Variants in PRKD1 observed in about 807,000 individuals in gnomAD.
PRKD1 encodes the protein serine/threonine-protein kinase D1.
Under a neutral mutation model 95.9 loss-of-function variants are expected in PRKD1, and 63 were observed. The observed-to-expected ratio is 0.66, with a 90% CI of 0.54 to 0.81. PRKD1 has a LOEUF of 0.81. Among genes scored for constraint, PRKD1 ranks in the 30% least tolerant of loss-of-function variants. The pLI is 0.00. For missense variants in PRKD1, 1,048 were observed against 1,165.3 expected (o/e 0.90, Z 1.47); for synonymous variants, 425 against 423.1 (o/e 1.00, Z -0.05).
At chr14:29,665,958 T>C (rs1882474964) in intron 3 of PRKD1, 119 bp downstream of exon 3, 5 of 1,127,720 alleles carry the variant, frequency 4.4e-6, no homozygotes, top group Non-Finnish European at 2.4e-6. Flanking sequence ...ACATTTTCTT[T>C]ATCCACTCAT....
At chr14:29,788,221 C>G (rs1368187913) in intron 1 of PRKD1, among the ~76,000 whole-genome samples, 1 of 152,086 alleles carries the variant, frequency 6.6e-6, no homozygotes, top group Non-Finnish European at 1.5e-5. Flanking sequence ...TTTTTTCTTT[C>G]AATACTTTGA....
intron 1 of PRKD1, among the ~76,000 whole-genome samples, chr14:29,826,772 C>A (rs796373452): frequency 4.7e-5 from 1 of 21,204 alleles, no homozygotes; most frequent in Non-Finnish European, 9.3e-5. Flanking sequence ...TATATATACA[C>A]ATATATATAC....
chr14:29,791,861 G>A (rs1375952662), intron 1 of PRKD1, among the ~76,000 whole-genome samples: 4 of 152,030 alleles, frequency 2.6e-5, no homozygotes, highest in African/African-American at 9.7e-5. Flanking sequence ...ACTCAGGATT[G>A]GAATAGCTGG....
At chr14:29,725,381 T>C (rs142558251) in intron 2 of PRKD1, among the ~76,000 whole-genome samples, 155 bp downstream of exon 2, 1 of 152,290 alleles carries the variant, frequency 6.6e-6, no homozygotes, top group African/African-American at 2.4e-5. Flanking sequence ...GGGAAACCTT[T>C]TGTTTCCCTT....
At chr14:29,606,465 T>C (rs1215515826) in intron 13 of PRKD1, among the ~76,000 whole-genome samples, 3 of 152,154 alleles carry the variant, frequency 2.0e-5, no homozygotes, top group Admixed American at 2.0e-4. Flanking sequence ...TCTACCAATT[T>C]TGATCAGTGT....
intron 1 of PRKD1, among the ~76,000 whole-genome samples, chr14:29,835,429 T>C (rs1891574699): frequency 6.6e-6 from 1 of 152,170 alleles, no homozygotes; most frequent in South Asian, 2.1e-4. Flanking sequence ...GAGAAATTAG[T>C]TATTATTTTA....
chr14:29,640,795 T>A (rs1880707232), intron 4 of PRKD1, among the ~76,000 whole-genome samples: 1 of 152,210 alleles, frequency 6.6e-6, no homozygotes, highest in Non-Finnish European at 1.5e-5. Flanking sequence ...TGTTAGCAGA[T>A]TTAACATGTT....
At chr14:29,667,931 GT>G (rs35990037) in intron 2 of PRKD1, among the ~76,000 whole-genome samples, 59,590 of 146,402 alleles carry the variant, frequency 0.41, 12,783 homozygotes, top group African/African-American at 0.59. Context: ...AGGTAAATTT[GT>G]TTTTTTTTTT....
At chr14:29,903,962 T>A (rs1894409024) in intron 1 of PRKD1, among the ~76,000 whole-genome samples, 1 of 152,154 alleles carries the variant, frequency 6.6e-6, no homozygotes, top group South Asian at 2.1e-4. Flanking sequence ...CACATATATT[T>A]ACGGATGTAT....
chr14:29,639,649 A>AT (rs1195054802), intron 4 of PRKD1, among the ~76,000 whole-genome samples: 18 of 151,872 alleles, frequency 1.2e-4, no homozygotes, highest in African/African-American at 4.3e-4. Context: ...ATAATAAAAG[A>AT]AAAAGAAAAA....
intron 1 of PRKD1, among the ~76,000 whole-genome samples, chr14:29,873,632 ATATT>A (rs1172850928): frequency 2.3e-4 from 35 of 152,356 alleles, no homozygotes; most frequent in Admixed American, 3.9e-4. Flanking sequence ...CATTAAACAA[ATATT>A]TAAAGTGTCT....
intron 1 of PRKD1, among the ~76,000 whole-genome samples, chr14:29,851,444 G>A (rs1892303870): frequency 6.6e-6 from 1 of 152,048 alleles, no homozygotes; most frequent in Non-Finnish European, 1.5e-5. Flanking sequence ...CTCATGAGAA[G>A]ACATACAAGT....
At chr14:29,806,441 C>G (rs1890236793) in intron 1 of PRKD1, among the ~76,000 whole-genome samples, 1 of 150,694 alleles carries the variant, frequency 6.6e-6, no homozygotes, top group Admixed American at 6.6e-5. Context: ...GCCTGGCCTT[C>G]AGGTTGCAGG....
chr14:29,808,689 C>T (rs1890353783), intron 1 of PRKD1, among the ~76,000 whole-genome samples: 1 of 151,914 alleles, frequency 6.6e-6, no homozygotes, highest in Admixed American at 6.6e-5. Flanking sequence ...CATGAACCAC[C>T]TTCAGGTTCT....
chr14:29,614,953 C>T (rs1833129993), intron 13 of PRKD1, among the ~76,000 whole-genome samples: 1 of 150,454 alleles, frequency 6.6e-6, no homozygotes, highest in African/African-American at 2.5e-5. Context: ...CTCAGGCAGT[C>T]TGCCCGCCTC....
chr14:29,836,060 T>A (rs1368581738), intron 1 of PRKD1, among the ~76,000 whole-genome samples: 1 of 152,082 alleles, frequency 6.6e-6, no homozygotes, highest in East Asian at 1.9e-4. Flanking sequence ...TCTCCCCAGA[T>A]GAGACAATCA....
intron 1 of PRKD1, among the ~76,000 whole-genome samples, chr14:29,826,393 T>A (rs1162154520): frequency 1.2e-5 from 1 of 84,518 alleles, no homozygotes; most frequent in Non-Finnish European, 2.1e-5. Context: ...GGAATATATA[T>A]ATACATATAT....
chr14:29,668,696 A>T (rs1053469468), intron 2 of PRKD1, among the ~76,000 whole-genome samples: 1 of 152,188 alleles, frequency 6.6e-6, no homozygotes, highest in Non-Finnish European at 1.5e-5. Context: ...GGAGGTCAAA[A>T]TTATTTGCAT....
At chr14:29,642,475 C>G (rs566457833) in intron 4 of PRKD1, among the ~76,000 whole-genome samples, 20 of 152,210 alleles carry the variant, frequency 1.3e-4, no homozygotes, top group African/African-American at 4.6e-4. Flanking sequence ...ACTCACTGAT[C>G]TTTGCATTTT....
Sources: allele counts gnomAD v4.1 joint callset (sites outside exome capture counted in the v4.1 genomes callset), GRCh38; gene constraint gnomAD v4.1.1; transcripts MANE v1.5; gene names NCBI Gene and HGNC (gene_info 2026-07-23, HGNC 2026-07-21).